The following TULP4 variants were observed in gnomAD, a reference collection of about 807,000 sequenced individuals.
TULP4 encodes TUB like protein 4.
A neutral mutation model predicts 129.0 loss-of-function variants in TULP4; 16 were observed. That is an observed-to-expected ratio of 0.12 (90% CI 0.08 to 0.19). TULP4 has a LOEUF of 0.19. Ranked by LOEUF, TULP4 falls within the 10% of genes least tolerant of loss-of-function variation. The pLI is 1.00. For synonymous variants in TULP4, 998 were observed against 854.0 expected (o/e 1.17, Z -2.94); for missense variants, 1,842 against 2,059.1 (o/e 0.89, Z 2.04).
rs748462054 is a variant in TULP4 at position 158,502,298 on chromosome 6, T to C, written c.2635T>C (p.Tyr879His). ...DFSLYPTSVH[Y>H]QTPLGYERIT... The stretch of plus-strand genomic sequence containing the variant: ...CTCCCTCTACCCCACGTCAGTGCAC[T>C]ACCAGACCCCCCTGGGCTATGAGAG... The change falls in exon 13 of 14, where the codon TAC (tyrosine) becomes CAC (histidine). Residue 879 changes from tyrosine (Y) to histidine (H), a missense_variant. By Grantham distance (83) the Tyr-to-His change is moderately conservative. Around this residue, in one of 5 missense-constraint regions of TULP4, gnomAD observed 1,089 missense variants for 987.1 expected, o/e 1.10. Transcript: ENST00000367097. 4.5e-6 allele frequency: 7 copies of C among 1,567,674 alleles called. No individual in the cohort carries two copies. Among genetic ancestry groups the C allele is most frequent in the Non-Finnish European group, 8.7e-7 (1 of 1,152,740 alleles).
chr6:158,424,903 C>T (rs1001462577), intron 2 of TULP4, among the ~76,000 whole-genome samples: 12 of 151,938 alleles, frequency 7.9e-5, no homozygotes, highest in Non-Finnish European at 1.5e-4. Context: ...CCGGTAATCC[C>T]AGCACTTTGG....
intron 6 of TULP4, among the ~76,000 whole-genome samples, chr6:158,469,381 C>G (rs369101860): frequency 6.6e-6 from 1 of 151,866 alleles, no homozygotes; most frequent in Admixed American, 6.6e-5. Context: ...TCAAGCGATT[C>G]TCCCACCTCT....
chr6:158,305,704 C>CAA (rs34473613), intron 1 of TULP4, among the ~76,000 whole-genome samples: 41 of 136,594 alleles, frequency 3.0e-4, no homozygotes, highest in African/African-American at 9.7e-4. Flanking sequence ...AACCCTGTCT[C>CAA]AAAAAAAAAA....
At chr6:158,454,531 T>A (rs614129) in intron 5 of TULP4, among the ~76,000 whole-genome samples, 2 of 151,568 alleles carry the variant, frequency 1.3e-5, no homozygotes, top group African/African-American at 4.9e-5. Flanking sequence ...ATTTTTCCAG[T>A]TTTTTACCAC....
At position 158,313,267 on chromosome 6, in the gene TULP4, C is replaced by G. The variant is rs1247597419; in HGVS notation, c.-750C>G. The G allele has an allele frequency of 2.6e-6, 1 of 379,156 alleles. No individual in the cohort carries two copies. The highest frequency in any genetic ancestry group is 4.7e-6 in the Non-Finnish European group (1 of 214,792). 23.5% of individuals were successfully genotyped at this position (379,156 alleles called of 1,614,324 possible). A position where few individuals can be genotyped will look rare whatever the true frequency, so the allele number is the denominator to read the frequency against. On this transcript the variant is annotated 5_prime_UTR_variant, in exon 1 of 14. Coordinates refer to ENST00000367097, the MANE Select transcript of TULP4 (RefSeq NM_020245.5). ...GCAGTCCGATGGAGCCCTGCGTTCC[C>G]CGGGGACACAGGGCCAAGCTTTGAG...
intron 1 of TULP4, among the ~76,000 whole-genome samples, chr6:158,295,628 G>T (rs764211433): frequency 9.9e-5 from 15 of 152,192 alleles, no homozygotes; most frequent in Non-Finnish European, 2.2e-4. Context: ...GGTGGCTTTC[G>T]CCTGTAGTCC....
chr6:158,350,317 G>A (rs1418478455), intron 1 of TULP4, among the ~76,000 whole-genome samples: 1 of 148,162 alleles, frequency 6.7e-6, no homozygotes, highest in Non-Finnish European at 1.5e-5. Flanking sequence ...TCACTTCCTA[G>A]ATGGGGTGGC....
In TULP4 at chr6:158,505,592, G is replaced by A. The variant is rs145148550; in HGVS notation, c.4516-986G>A. Among the ~76,000 whole-genome samples, 7 of 152,358 alleles carry A rather than the reference G, an allele frequency of 4.6e-5. No individual in the cohort carries two copies. In the East Asian group the frequency reaches 1.2e-3, roughly 25 times the overall value. On this transcript the variant is annotated intron_variant, in intron 13 of 13. Coordinates refer to ENST00000367097, the MANE Select transcript of TULP4 (RefSeq NM_020245.5). Reference sequence around the variant, plus strand: ...GCAGTGAGGAAGACAGAGCCCCGCCGCTGTGGAACACGCAGACTGGGGACC... The same window carrying A: ...GCAGTGAGGAAGACAGAGCCCCGCCACTGTGGAACACGCAGACTGGGGACC...
chr6:158,240,371 C>T (rs868323784), intron 1 of TULP4, among the ~76,000 whole-genome samples: 13 of 49,556 alleles, frequency 2.6e-4, no homozygotes, highest in African/African-American at 8.1e-4. Flanking sequence ...CCTCCCGGAC[C>T]GGGCGGCTGG....
upstream of TULP4, among the ~76,000 whole-genome samples, chr6:158,309,269 G>A (rs1217897613): frequency 7.1e-6 from 1 of 140,964 alleles, no homozygotes; most frequent in African/African-American, 2.6e-5. Flanking sequence ...CGGCCGGGCA[G>A]AGGCACTCCT....
intron 1 of TULP4, among the ~76,000 whole-genome samples, chr6:158,254,045 A>T (rs1778198429): frequency 6.6e-6 from 1 of 152,052 alleles, no homozygotes; most frequent in South Asian, 2.1e-4. Context: ...TCTCAAAAAA[A>T]AAAAGAAAAC....
At chr6:158,301,556 C>T (rs1489394592) in intron 1 of TULP4, among the ~76,000 whole-genome samples, 1 of 152,134 alleles carries the variant, frequency 6.6e-6, no homozygotes, top group Non-Finnish European at 1.5e-5. Context: ...GTATTCTACA[C>T]CGAGCTTGTC....
At chr6:158,460,432 T>C (rs1779397734) in intron 5 of TULP4, among the ~76,000 whole-genome samples, 1 of 148,714 alleles carries the variant, frequency 6.7e-6, no homozygotes, top group Non-Finnish European at 1.5e-5. Flanking sequence ...TAAACCAGAT[T>C]ACGATTTTAG....
intron 1 of TULP4, among the ~76,000 whole-genome samples, chr6:158,362,019 G>A (rs1780801656): frequency 6.6e-6 from 1 of 152,202 alleles, no homozygotes; most frequent in Non-Finnish European, 1.5e-5. Flanking sequence ...AATGTTTCTA[G>A]TAGTTGAAAG....
chr6:158,492,731 T>C (rs191491890), intron 9 of TULP4, among the ~76,000 whole-genome samples: 104 of 152,290 alleles, frequency 6.8e-4, no homozygotes, highest in Admixed American at 2.5e-3. Context: ...GCCCAGAGTT[T>C]CTCATCAAGC....
At chr6:158,492,423 C>G (rs148959737) in intron 9 of TULP4, among the ~76,000 whole-genome samples, 229 of 152,316 alleles carry the variant, frequency 1.5e-3, no homozygotes, top group African/African-American at 5.2e-3. Flanking sequence ...GTTACTCTAG[C>G]AATCTGATTG....
intron 1 of TULP4, among the ~76,000 whole-genome samples, chr6:158,322,920 G>T (rs1779670524): frequency 6.6e-6 from 1 of 152,160 alleles, no homozygotes; most frequent in African/African-American, 2.4e-5. Flanking sequence ...AGATTGTGTG[G>T]TGAAGATGAT....
In TULP4 at chr6:158,457,539, TG is replaced by T. The variant is rs995804386; in HGVS notation, c.860-4020del. ...AAGCAGGGAATTGATTCACTTTGCT[TG>T]GGGTTTTTACCCATTGTTATGACTT... On this transcript the variant is annotated intron_variant, in intron 5 of 13. Coordinates refer to ENST00000367097, the MANE Select transcript of TULP4 (RefSeq NM_020245.5). Among the ~76,000 whole-genome samples, 7 of 152,322 alleles carry T rather than the reference TG, an allele frequency of 4.6e-5. No homozygotes were observed. The Middle Eastern group carries it at 0.01, about 222-fold the overall frequency.
At chr6:158,237,355 CCTTT>C in intron 1 of TULP4, 1 of 1,612,690 alleles carries the variant, frequency 6.2e-7, no homozygotes, top group African/African-American at 1.3e-5. Flanking sequence ...ACCTTTTCCA[CCTTT>C]CTTCTTTTTC....
Sources: allele counts gnomAD v4.1 joint callset (sites outside exome capture counted in the v4.1 genomes callset), GRCh38; gene constraint gnomAD v4.1.1; regional missense constraint gnomAD v4.1.1; transcripts MANE v1.5; gene names NCBI Gene and HGNC (gene_info 2026-07-23, HGNC 2026-07-21).